The following BNC1 variants were observed in gnomAD, a reference collection of about 807,000 sequenced individuals.
BNC1 encodes basonuclin zinc finger protein 1.
In BNC1, 8 loss-of-function variants were observed where a neutral mutation model predicts 66.5. The observed-to-expected ratio is 0.12, with a 90% confidence interval of 0.07 to 0.22. The LOEUF (loss-of-function observed/expected upper bound fraction) is 0.22. BNC1 is among the 10% of genes least tolerant of loss of function. The pLI is 1.00. For missense variants in BNC1, 1,069 were observed against 1,241.3 expected (o/e 0.86, Z 2.09); for synonymous variants, 454 against 452.6 (o/e 1.00, Z -0.04).
intron 1 of BNC1, among the ~76,000 whole-genome samples, chr15:83,281,704 A>AT (rs2038380355): frequency 1.3e-5 from 2 of 152,238 alleles, no homozygotes; most frequent in East Asian, 3.8e-4. Context: ...CTGCAGTTTA[A>AT]TTTTACTGAC....
rs1312668961 is a variant in BNC1, at chr15:83,264,594, G to A, written c.657C>T (p.Pro219=). 1.2e-6 allele frequency: 2 copies of A among 1,613,968 alleles called. No homozygotes were observed. The highest frequency in any genetic ancestry group is 3.3e-5 in the Admixed American group (2 of 60,000). Residue 219 remains proline (P), a synonymous_variant, in exon 4 of 5, where the codon CCC becomes CCT. Transcript: ENST00000345382. ...TGGGGTTTCCTTTGTCCACAGGAGT[G>A]GGGAGGCTAGAACTCCTGTGACTGC... ...ESCSHRSSSL[P]TPVDKGNPSS... is the part of the protein sequence containing the mutation.
At chr15:83,265,924 A>C (rs1199773641) in intron 3 of BNC1, among the ~76,000 whole-genome samples, 1 of 152,208 alleles carries the variant, frequency 6.6e-6, no homozygotes, top group Non-Finnish European at 1.5e-5. Flanking sequence ...TAAGACTGAC[A>C]TCTATGTTGG....
chr15:83,275,446 A>G (rs2038310450), intron 1 of BNC1, among the ~76,000 whole-genome samples: 1 of 146,242 alleles, frequency 6.8e-6, no homozygotes, highest in African/African-American at 2.5e-5. Context: ...CAGTGAGACG[A>G]GATTGTGCCA....
rs376266590 is a variant in BNC1 at position 83,257,456 on chromosome 15, T to C, written c.2971A>G (p.Ser991Gly). ...NLHKSLASSP[S>G]HLQ ...TTGCCATCTTGTTACTGGAGGTGAC[T>C]TGGAGATGAGGCCAGGCTTTTGTGC... Residue 991 changes from serine to glycine, a missense_variant, in exon 5 of 5, where the codon AGT (serine) becomes GGT (glycine). Physicochemically the swap from Ser to Gly is moderately conservative, Grantham distance 56 (BLOSUM62 0). Transcript: ENST00000345382. 35 of 1,612,258 alleles carry C rather than the reference T, an allele frequency of 2.2e-5. No homozygotes were observed. The highest frequency in any genetic ancestry group is 2.5e-5 in the Non-Finnish European group (30 of 1,178,946).
At position 83,257,808 on chromosome 15, in the gene BNC1, G is replaced by A; in HGVS notation, c.2619C>T (p.Ser873=). 1 of 1,614,176 alleles carries A rather than the reference G, an allele frequency of 6.2e-7. No homozygotes were observed. Among genetic ancestry groups the A allele is most frequent in the Non-Finnish European group, 8.5e-7 (1 of 1,180,022 alleles). Reference sequence around the variant, plus strand: ...CCTCACTCACCCCGTCAGAGTCCCAGGAAGAATGGCTGCTACTCTCTGACT... The same window carrying A: ...CCTCACTCACCCCGTCAGAGTCCCAAGAAGAATGGCTGCTACTCTCTGACT... ...SMKSESSSHS[S]WDSDGVSEEG... Residue 873 remains serine (S), a synonymous_variant, in exon 5 of 5, where the codon TCC becomes TCT. Coordinates refer to ENST00000345382, the MANE Select transcript of BNC1 (RefSeq NM_001717.4).
Position 83,268,128 on chromosome 15 carries a change from G to A in BNC1, c.199+5C>T, listed in dbSNP as rs1223186981. ...AGGCCAAGAGAGGGTGAAAAATAAA[G>A]TTACCGTGGGCCACCCATCCATGCT... is the stretch of plus-strand genomic sequence containing the variant. On this transcript the variant is annotated splice_donor_5th_base_variant and intron_variant, in intron 2 of 4. Coordinates refer to ENST00000345382, the MANE Select transcript of BNC1 (RefSeq NM_001717.4). The A allele has an allele frequency of 6.2e-7, 1 of 1,613,472 alleles. No homozygotes were observed. The highest frequency in any genetic ancestry group is 8.5e-7 in the Non-Finnish European group (1 of 1,179,434).
In BNC1 at chr15:83,263,819, G is replaced by A; in HGVS notation, c.1432C>T (p.Leu478Phe). The A allele has an allele frequency of 6.2e-7, 1 of 1,614,176 alleles. No homozygotes were observed. The highest frequency in any genetic ancestry group is 8.5e-7 in the Non-Finnish European group (1 of 1,180,054). ...AFPNIGQNGV[L>F]FPNLKTVQPV... ...TGGACTGTCTTTAGGTTGGGAAAAA[G>A]CACACCATTTTGCCCAATGTTTGGG... The change falls in exon 4 of 5, where the codon CTT (leucine) becomes TTT (phenylalanine). Residue 478 changes from leucine to phenylalanine, a missense_variant. Leu to Phe is a conservative substitution (Grantham distance 22). This residue lies in a region of BNC1 where 657 missense variants were observed against 715.8 expected (regional missense o/e 0.92). Coordinates refer to ENST00000345382, the MANE Select transcript of BNC1 (RefSeq NM_001717.4).
chr15:83,268,584 A>G (rs1325434139), intron 1 of BNC1, among the ~76,000 whole-genome samples: 2 of 152,246 alleles, frequency 1.3e-5, no homozygotes, highest in Non-Finnish European at 2.9e-5. Flanking sequence ...TAAAGCAGCA[A>G]CCCTGGAAAG....
intron 1 of BNC1, among the ~76,000 whole-genome samples, chr15:83,281,043 C>A (rs1278139399): frequency 6.6e-6 from 1 of 151,882 alleles, no homozygotes. Flanking sequence ...AGTCTGTTTG[C>A]CGATAACTAA....
In BNC1 at chr15:83,263,813, G is replaced by A. The variant is rs753840595; in HGVS notation, c.1438C>T (p.Pro480Ser). ...ACTGGCTGGACTGTCTTTAGGTTGGGAAAAAGCACACCATTTTGCCCAATG... is the reference window on the plus strand; with the variant it reads ...ACTGGCTGGACTGTCTTTAGGTTGGAAAAAAGCACACCATTTTGCCCAATG... ...PNIGQNGVLF[P>S]NLKTVQPVLP... The change falls in exon 4 of 5, where the codon CCC becomes TCC. Residue 480 changes from proline to serine, a missense_variant. Transcript: ENST00000345382. 2 of 1,614,174 alleles carry A rather than the reference G, an allele frequency of 1.2e-6. No homozygotes were observed. The highest frequency in any genetic ancestry group is 2.2e-5 in the South Asian group (2 of 91,082).
intron 1 of BNC1, among the ~76,000 whole-genome samples, chr15:83,277,477 C>G (rs1051711015): frequency 6.6e-6 from 1 of 151,912 alleles, no homozygotes; most frequent in Admixed American, 6.6e-5. Flanking sequence ...ACCCGGCTAA[C>G]TTTTTGTATT....
chr15:83,281,968 C>T (rs1189163154), intron 1 of BNC1, among the ~76,000 whole-genome samples: 1 of 152,246 alleles, frequency 6.6e-6, no homozygotes, highest in Non-Finnish European at 1.5e-5. Context: ...CAGTAAATCT[C>T]ATGCTTCCAA....
intron 1 of BNC1, among the ~76,000 whole-genome samples, 160 bp downstream of exon 1, chr15:83,284,370 C>A (rs1465983531): frequency 6.6e-6 from 1 of 151,780 alleles, no homozygotes; most frequent in South Asian, 2.1e-4. Flanking sequence ...AGACCACGGT[C>A]CCTCCCGCCG....
In BNC1 at chr15:83,256,371, G is replaced by C. The variant is rs1465401931; in HGVS notation, c.*1071C>G. The C allele has an allele frequency of 6.6e-6, 1 of 152,602 alleles. No homozygotes were observed. Among genetic ancestry groups the C allele is most frequent in the East Asian group, 1.9e-4 (1 of 5,198 alleles). The allele number at this position is 152,602 out of a possible 1,614,324, so 9.5% of individuals were successfully genotyped here. On this transcript the variant is annotated 3_prime_UTR_variant, in exon 5 of 5. Transcript: ENST00000345382. ...TATTTCCGAATAAGTTAAATATTAA[G>C]ACATACAATATGGCAATAATGTCCT...
At position 83,261,630 on chromosome 15, in the gene BNC1, T is replaced by TC. The variant is rs1446006804; in HGVS notation, c.2300+1320dup. Among the ~76,000 whole-genome samples, 7 of 152,216 alleles carry TC rather than the reference T, an allele frequency of 4.6e-5. No individual in the cohort carries two copies. In the East Asian group the frequency reaches 1.3e-3, roughly 29 times the overall value. ...GTGACCTGAAGAGTGGTTAGGTGAC[T>TC]CAAGTTCATGAAGAAAAGCACAAGC... is the stretch of plus-strand genomic sequence containing the variant. On this transcript the variant is annotated intron_variant, in intron 4 of 4. Coordinates refer to ENST00000345382, the MANE Select transcript of BNC1 (RefSeq NM_001717.4).
intron 1 of BNC1, among the ~76,000 whole-genome samples, chr15:83,279,958 T>A (rs2038362042): frequency 6.6e-6 from 1 of 152,192 alleles, no homozygotes; most frequent in East Asian, 1.9e-4. Context: ...AGTCTACCTG[T>A]GAGTTTAAAG....
In BNC1 at chr15:83,257,904, G is replaced by A; in HGVS notation, c.2523C>T (p.Ser841=). 6.2e-7 allele frequency: 1 copy of A among 1,614,196 alleles called. No homozygotes were observed. Among genetic ancestry groups the A allele is most frequent in the South Asian group, 1.1e-5 (1 of 91,086 alleles). ...AGGGGCCAGAGTTGTAGCTCTCCAG[G>A]CTGGCACTGTGGACTTGCGTTATTG... ...VYPITQVHSA[S]LESYNSGPLS... The change falls in exon 5 of 5, where the codon AGC becomes AGT. Residue 841 remains serine (S), a synonymous_variant. Transcript: ENST00000345382.
chr15:83,258,007 T>C lies in BNC1; in HGVS notation c.2420A>G (p.Asp807Gly), dbSNP rs1046569063. ...GGAGGCTTGCTGTGTAAAAGCCACA[T>C]CCTGATAGGCTTCCTTAGCCACATC... ...LKDVAKEAYQ[D>G]VAFTQQASQT... The change falls in exon 5 of 5, where the codon GAT becomes GGT. Residue 807 changes from aspartate (D) to glycine (G), a missense_variant. By Grantham distance (94) the Asp-to-Gly change is moderately conservative. Transcript: ENST00000345382. 3 of 1,614,010 alleles carry C rather than the reference T, an allele frequency of 1.9e-6. No individual in the cohort carries two copies. Among genetic ancestry groups the C allele is most frequent in the Non-Finnish European group, 2.5e-6 (3 of 1,180,000 alleles).
Position 83,263,808 on chromosome 15 carries a change from G to A in BNC1, c.1443C>T (p.Asn481=). 3 of 1,614,170 alleles carry A rather than the reference G, an allele frequency of 1.9e-6. No homozygotes were observed. The highest frequency in any genetic ancestry group is 1.7e-6 in the Non-Finnish European group (2 of 1,180,034). Residue 481 remains asparagine (N), a synonymous_variant, in exon 4 of 5, where the codon AAC becomes AAT. Coordinates refer to ENST00000345382, the MANE Select transcript of BNC1 (RefSeq NM_001717.4). ...GAAGGACTGGCTGGACTGTCTTTAG[G>A]TTGGGAAAAAGCACACCATTTTGCC... is the stretch of plus-strand genomic sequence containing the variant. ...NIGQNGVLFP[N]LKTVQPVLPF...
Sources: gnomAD v4.1 joint callset for allele counts (sites outside exome capture counted in the v4.1 genomes callset) on GRCh38, gnomAD v4.1.1 for gene constraint, gnomAD v4.1.1 regional missense constraint, MANE v1.5 for transcripts, NCBI Gene and HGNC (gene_info 2026-07-23, HGNC 2026-07-21) for gene names.